The following CD38 variants were observed in gnomAD, a reference collection of about 807,000 sequenced individuals.
CD38 encodes ADP-ribosyl cyclase/cyclic ADP-ribose hydrolase 1.
CD38 carries 31 observed loss-of-function variants against 36.3 expected under a neutral mutation model. The ratio of observed to expected loss-of-function variants is 0.85; its 90% confidence interval spans 0.64 to 1.15. The LOEUF is 1.15. Ranked by LOEUF, CD38 falls within the 50% of genes most tolerant of loss-of-function variation. The pLI, the probability that CD38 is intolerant of heterozygous loss-of-function variation, is 0.00. For synonymous variants in CD38, 131 were observed against 135.2 expected, an observed-to-expected ratio of 0.97 and a Z score of 0.22; for missense variants, 380 against 371.9, an observed-to-expected ratio of 1.02 and a Z score of -0.18.
At chr4:15,841,514 T>C (rs1012679923) in intron 7 of CD38, among the ~76,000 whole-genome samples, 1 of 152,146 alleles carries the variant, frequency 6.6e-6, no homozygotes, top group African/African-American at 2.4e-5. Flanking sequence ...ACAGAAAGAA[T>C]GAATGAAGGA....
intron 1 of CD38, among the ~76,000 whole-genome samples, chr4:15,814,602 T>C (rs1025051398): frequency 1.3e-5 from 2 of 152,176 alleles, no homozygotes; most frequent in East Asian, 3.9e-4. Flanking sequence ...TAATCCATCT[T>C]GAGTTAATTT....
chr4:15,790,975 T>C (rs1426715198), intron 1 of CD38, among the ~76,000 whole-genome samples: 4 of 124,830 alleles, frequency 3.2e-5, no homozygotes, highest in African/African-American at 6.4e-5. Flanking sequence ...AGCCCCTCCG[T>C]CCGGCGGCCA....
At chr4:15,842,465 CAG>C (rs1265290381) in intron 7 of CD38, among the ~76,000 whole-genome samples, 4 of 7,628 alleles carry the variant, frequency 5.2e-4, no homozygotes, top group African/African-American at 9.2e-4. Context: ...GGGGAAAAAA[CAG>C]AACAGAAAAA....
intron 3 of CD38, among the ~76,000 whole-genome samples, chr4:15,831,465 C>T (rs1390774573): frequency 2.6e-5 from 4 of 152,076 alleles, no homozygotes; most frequent in Non-Finnish European, 4.4e-5. Flanking sequence ...GGACAGGTCT[C>T]GTGTTAATTA....
intron 1 of CD38, among the ~76,000 whole-genome samples, chr4:15,795,369 G>C (rs1723084870): frequency 6.6e-6 from 1 of 151,854 alleles, no homozygotes; most frequent in Non-Finnish European, 1.5e-5. Flanking sequence ...TGGAAATAGA[G>C]GATAAGAATC....
At chr4:15,804,924 A>G (rs762437602) in intron 1 of CD38, among the ~76,000 whole-genome samples, 4 of 152,204 alleles carry the variant, frequency 2.6e-5, no homozygotes, top group Non-Finnish European at 5.9e-5. Flanking sequence ...AATTTTGTAC[A>G]TTACCAGCAC....
chr4:15,847,703 C>T (rs1372931862), intron 7 of CD38, among the ~76,000 whole-genome samples: 1 of 141,292 alleles, frequency 7.1e-6, no homozygotes, highest in Non-Finnish European at 1.5e-5. Context: ...GAAACCTAGA[C>T]AAAGACTGGG....
chr4:15,795,974 A>G (rs1027883913), intron 1 of CD38, among the ~76,000 whole-genome samples: 2 of 152,146 alleles, frequency 1.3e-5, no homozygotes, highest in African/African-American at 4.8e-5. Flanking sequence ...GTTATTTGTG[A>G]ATTTGGCACT....
At chr4:15,839,139 A>C (rs1242705613) in intron 5 of CD38, among the ~76,000 whole-genome samples, 2 of 152,324 alleles carry the variant, frequency 1.3e-5, no homozygotes, top group African/African-American at 4.8e-5. Context: ...TAATTCTACA[A>C]GGAAGCATTT....
intron 1 of CD38, among the ~76,000 whole-genome samples, chr4:15,788,853 G>A (rs1158311916): frequency 1.3e-5 from 2 of 152,188 alleles, no homozygotes; most frequent in Admixed American, 6.5e-5. Flanking sequence ...TTGAGGCTCT[G>A]AGTAGATATA....
chr4:15,848,433 T>C (rs1012003284), intron 7 of CD38, 106 bp from the exon 8 acceptor site: 2 of 725,258 alleles, frequency 2.8e-6, no homozygotes, highest in African/African-American at 1.7e-5. Flanking sequence ...TGCTAAGTGG[T>C]CTGTGCACCT....
rs1417826721 is a variant in CD38, at chr4:15,790,420, C to T, written c.233+11773C>T. On this transcript the variant is annotated intron_variant, in intron 1 of 7. Transcript: ENST00000226279. ...CTCCAGCTCCTGACCGCGAGTGATC[C>T]GCCGGCCTCGGCCTCCCGAGGTGCC... Among the ~76,000 whole-genome samples the T allele has an allele frequency of 2.6e-5, 4 of 152,122 alleles. No homozygotes were observed. In the East Asian group the frequency reaches 5.8e-4, roughly 22 times the overall value.
At chr4:15,794,231 C>T (rs577170078) in intron 1 of CD38, among the ~76,000 whole-genome samples, 28 of 152,318 alleles carry the variant, frequency 1.8e-4, no homozygotes, top group Admixed American at 1.4e-3. Context: ...AAGTGGATGG[C>T]TACTTGCTTA....
At chr4:15,800,868 G>C (rs749454856) in intron 1 of CD38, among the ~76,000 whole-genome samples, 16 of 151,892 alleles carry the variant, frequency 1.1e-4, no homozygotes, top group Non-Finnish European at 1.2e-4. Flanking sequence ...CAACTTAACA[G>C]TGAACCTCAG....
chr4:15,818,394 C>T (rs182227738), intron 2 of CD38, among the ~76,000 whole-genome samples: 1 of 152,324 alleles, frequency 6.6e-6, no homozygotes, highest in East Asian at 1.9e-4. Context: ...GCAGAAGGGG[C>T]AGCTGTGGGC....
Position 15,852,356 on chromosome 4 carries a change from C to T in CD38, c.*3754C>T, listed in dbSNP as rs535487913. The T allele has an allele frequency of 2.0e-5, 3 of 152,346 alleles. No individual in the cohort carries two copies. In the East Asian group the frequency reaches 5.8e-4, roughly 29 times the overall value. The allele number at this position is 152,346 out of a possible 1,614,324, so 9.4% of individuals were successfully genotyped here. ...TGTGATACAAGGGGGACAGCATCGACATCGACTTACTTCTTGGTGCCTTAT... is the reference window on the plus strand; with the variant it reads ...TGTGATACAAGGGGGACAGCATCGATATCGACTTACTTCTTGGTGCCTTAT... On this transcript the variant is annotated 3_prime_UTR_variant, in exon 8 of 8. Coordinates refer to ENST00000226279, the MANE Select transcript of CD38 (RefSeq NM_001775.4).
At chr4:15,817,391 C>T (rs1560314464) in intron 2 of CD38, among the ~76,000 whole-genome samples, 1 of 152,246 alleles carries the variant, frequency 6.6e-6, no homozygotes, top group Non-Finnish European at 1.5e-5. Context: ...AAATTACAGC[C>T]TCTCATTCCA....
chr4:15,803,959 A>G (rs972487986), intron 1 of CD38, among the ~76,000 whole-genome samples: 2 of 152,164 alleles, frequency 1.3e-5, no homozygotes, highest in African/African-American at 4.8e-5. Context: ...AGCTGCATTC[A>G]TGTTGCTGCA....
At chr4:15,799,913 C>T (rs763887145) in intron 1 of CD38, among the ~76,000 whole-genome samples, 1 of 152,154 alleles carries the variant, frequency 6.6e-6, no homozygotes, top group Non-Finnish European at 1.5e-5. Context: ...TGGGTAACTG[C>T]CACACTTCAC....
Sources: gnomAD v4.1 joint callset for allele counts (sites outside exome capture counted in the v4.1 genomes callset) on GRCh38, gnomAD v4.1.1 for gene constraint, MANE v1.5 for transcripts, NCBI Gene and HGNC (gene_info 2026-07-23, HGNC 2026-07-21) for gene names.